The following ARAP1 variants were observed in gnomAD, a reference collection of about 807,000 sequenced individuals.
ARAP1 encodes arf-GAP with Rho-GAP domain, ANK repeat and PH domain-containing protein 1.
Under a neutral mutation model 172.2 loss-of-function variants are expected in ARAP1, and 76 were observed. That is an observed-to-expected ratio of 0.44 (90% confidence interval 0.37 to 0.53). The LOEUF (loss-of-function observed/expected upper bound fraction) is 0.53. Among genes scored for constraint, ARAP1 ranks in the 20% least tolerant of loss-of-function variants. ARAP1 has a pLI of 0.00. For synonymous variants in ARAP1, 804 were observed against 803.3 expected (o/e 1.00, Z -0.01); for missense variants, 1,686 against 1,977.5 (o/e 0.85, Z 2.80).
chr11:72,730,344 A>T (rs918901432), intron 2 of ARAP1, among the ~76,000 whole-genome samples: 1 of 152,230 alleles, frequency 6.6e-6, no homozygotes, highest in African/African-American at 2.4e-5. Context: ...AAGAGCAATA[A>T]AGTTGGAAAA....
Position 72,699,086 on chromosome 11 carries a change from C to T in ARAP1, c.2460G>A (p.Val820=), listed in dbSNP as rs754401121. ...DTHGFEHTFE[V]YTEGERLYLF... is the part of the protein sequence containing the mutation. Reference sequence around the variant, plus strand: ...GGTACAGCCGTTCTCCCTCCGTGTACACCTCAAAGGTGTGCTCAAAGCTGC... The same window carrying T: ...GGTACAGCCGTTCTCCCTCCGTGTATACCTCAAAGGTGTGCTCAAAGCTGC... The change falls in exon 18 of 35, where the codon GTG becomes GTA. Residue 820 remains valine, a synonymous_variant. Coordinates refer to ENST00000393609, the MANE Select transcript of ARAP1 (RefSeq NM_001040118.3). This position sits in a 1 kb window ranked among gnomAD's most constrained non-coding sequence, Gnocchi z 4.2. The T allele has an allele frequency of 1.9e-6, 3 of 1,614,070 alleles. No individual in the cohort carries two copies. The highest frequency in any genetic ancestry group is 1.7e-5 in the Admixed American group (1 of 60,008).
Position 72,741,175 on chromosome 11 carries a change from C to T in ARAP1, c.-127-8578G>A, listed in dbSNP as rs1433708433. 1.3e-5 allele frequency among the ~76,000 whole-genome samples: 2 copies of T among 152,126 alleles called. No individual in the cohort carries two copies. Among genetic ancestry groups the T allele is most frequent in the Non-Finnish European group, 2.9e-5 (2 of 68,006 alleles). On this transcript the variant is annotated intron_variant, in intron 1 of 34. Transcript: ENST00000393609. The surrounding 1 kb of genome is among the most constrained non-coding windows in gnomAD (Gnocchi z 4.5). ...TGGGCACACCCCTGCCCTGCATCCA[C>T]ACTGCCCCCATTCAACCCAGGCCCC...
At chr11:72,692,310 G>C (rs551268275) in intron 30 of ARAP1, among the ~76,000 whole-genome samples, 1 of 152,268 alleles carries the variant, frequency 6.6e-6, no homozygotes. Flanking sequence ...TACCCCAGGT[G>C]GGGGTATCCC....
At position 72,704,279 on chromosome 11, in the gene ARAP1, G is replaced by C; in HGVS notation, c.1865C>G (p.Pro622Arg). ...GCTGGGCTGCAGGGCCTCACTGGGGGGCACGTTGGCTGCCCAGAAGCGGTT... is the reference window on the plus strand; with the variant it reads ...GCTGGGCTGCAGGGCCTCACTGGGGCGCACGTTGGCTGCCCAGAAGCGGTT... Reference protein sequence around the residue: ...AGNRFWAANVPPSEALQPSSS... With the variant: ...AGNRFWAANVRPSEALQPSSS... Residue 622 changes from proline to arginine, a missense_variant, in exon 14 of 35, where the codon CCC becomes CGC. Pro to Arg is a moderately radical substitution (Grantham distance 103). Coordinates refer to ENST00000393609, the MANE Select transcript of ARAP1 (RefSeq NM_001040118.3). 6.2e-7 allele frequency: 1 copy of C among 1,612,242 alleles called. No individual in the cohort carries two copies. Among genetic ancestry groups the C allele is most frequent in the African/African-American group, 1.3e-5 (1 of 75,024 alleles).
intron 15 of ARAP1, among the ~76,000 whole-genome samples, chr11:72,702,231 C>G (rs1051680611): frequency 6.6e-6 from 1 of 152,214 alleles, no homozygotes; most frequent in African/African-American, 2.4e-5. Context: ...TGTCCCCAAG[C>G]CCAAGCCAGT....
rs763156769 is a variant in ARAP1, at chr11:72,693,657, AC to A, written c.3808+34del. 2.1e-5 allele frequency: 33 copies of A among 1,565,366 alleles called. No individual in the cohort carries two copies. The African/African-American group carries it at 4.3e-4, about 21-fold the overall frequency. ...CACCCTGGCTCTGGAAGAGAGGACC[AC>A]CCGGAGCCTGGCCACCCTGCAGGCA... On this transcript the variant is annotated intron_variant, in intron 28 of 34. Coordinates refer to ENST00000393609, the MANE Select transcript of ARAP1 (RefSeq NM_001040118.3). The surrounding 1 kb of genome is among the most constrained non-coding windows in gnomAD (Gnocchi z 4.6).
intron 13 of ARAP1, chr11:72,704,611 G>T: frequency 2.5e-6 from 1 of 405,380 alleles, no homozygotes; most frequent in South Asian, 3.8e-5. Flanking sequence ...CTGGTCCCAG[G>T]GGCCTTGCTG....
Position 72,696,650 on chromosome 11 carries a change from A to C in ARAP1, c.3171T>G (p.Ile1057Met). 6.3e-7 allele frequency: 1 copy of C among 1,589,676 alleles called. No individual in the cohort carries two copies. The highest frequency in any genetic ancestry group is 8.6e-7 in the Non-Finnish European group (1 of 1,166,076). Residue 1057 changes from isoleucine (I) to methionine (M), a missense_variant, in exon 23 of 35, where the codon ATT (isoleucine) becomes ATG (methionine). This residue lies in a region of ARAP1 where 274 missense variants were observed against 262.7 expected (regional missense o/e 1.04). Transcript: ENST00000393609. Reference sequence around the variant, plus strand: ...TGGAGACCTTCTCCTCCTCGTCCTCAATCTCTGGGTGGGAAAGATAAATCA... The same window carrying C: ...TGGAGACCTTCTCCTCCTCGTCCTCCATCTCTGGGTGGGAAAGATAAATCA... ...QRLTWLEASE[I>M]EDEEEKVSRY...
At chr11:72,729,834 G>A (rs988223961) in intron 2 of ARAP1, among the ~76,000 whole-genome samples, 2 of 148,958 alleles carry the variant, frequency 1.3e-5, no homozygotes, top group Non-Finnish European at 2.9e-5. Flanking sequence ...AGAATTGCTT[G>A]AGCCTAGGAG....
At chr11:72,745,912 G>A (rs908427308) in intron 1 of ARAP1, among the ~76,000 whole-genome samples, 50 of 152,124 alleles carry the variant, frequency 3.3e-4, no homozygotes, top group African/African-American at 1.0e-3. Flanking sequence ...CAGACAGCAC[G>A]GGAAACAGCT....
In ARAP1 at chr11:72,697,402, G is replaced by C. The variant is rs374807261; in HGVS notation, c.2874C>G (p.Asp958Glu). 1 of 1,612,134 alleles carries C rather than the reference G, an allele frequency of 6.2e-7. No homozygotes were observed. Among genetic ancestry groups the C allele is most frequent in the African/African-American group, 1.3e-5 (1 of 74,874 alleles). ...CCCCAAGCTGCTGCTCCGACAGCGT[G>C]TCCCCCATGCTGGCGGCTGCTTTCT... ...AIQKAAASMG[D>E]TLSEQQLGDS... is the part of the protein sequence containing the mutation. The change falls in exon 21 of 35, where the codon GAC becomes GAG. Residue 958 changes from aspartate (D) to glutamate (E), a missense_variant. By Grantham distance (45) the Asp-to-Glu change is conservative (BLOSUM62 2). This residue lies in a region of ARAP1 where 274 missense variants were observed against 262.7 expected (regional missense o/e 1.04). Coordinates refer to ENST00000393609, the MANE Select transcript of ARAP1 (RefSeq NM_001040118.3).
In ARAP1 at chr11:72,745,182, CTTTTTTTTTTTTTT is replaced by C. The variant is rs902550014; in HGVS notation, c.-128+7132_-128+7145del. Among the ~76,000 whole-genome samples the C allele has an allele frequency of 9.1e-4, 80 of 88,312 alleles. 1 individual carries two copies. Among genetic ancestry groups the C allele is most frequent in the East Asian group, 2.2e-3 (7 of 3,246 alleles). 57.9% of individuals were successfully genotyped at this position (88,312 alleles called of 152,430 possible). A position where few individuals can be genotyped will look rare whatever the true frequency, so the allele number is the denominator to read the frequency against. The stretch of plus-strand genomic sequence containing the variant: ...CCCACACAGCAGCCCAAGTTTCTTT[CTTTTTTTTTTTTTT>C]TTTTTTTTTTGAGACGGAGTCTCGC... On this transcript the variant is annotated intron_variant, in intron 1 of 34. Coordinates refer to ENST00000393609, the MANE Select transcript of ARAP1 (RefSeq NM_001040118.3).
chr11:72,687,527 A>G (rs1444688043), intron 32 of ARAP1, 25 bp from the exon 33 acceptor site: 4 of 1,613,986 alleles, frequency 2.5e-6, no homozygotes, highest in African/African-American at 2.7e-5. Context: ...GCGGACCCAC[A>G]TGATGCCAAA....
Position 72,741,907 on chromosome 11 carries a change from T to C in ARAP1, c.-127-9310A>G, listed in dbSNP as rs995012192. Among the ~76,000 whole-genome samples the C allele has an allele frequency of 6.6e-6, 1 of 152,110 alleles. No homozygotes were observed. The highest frequency in any genetic ancestry group is 2.4e-5 in the African/African-American group (1 of 41,420). ...AAGGAGGAGGGACTTGGTGGGCTCC[T>C]CTGTACCCCAGAACTAGGGGTGCAG... On this transcript the variant is annotated intron_variant, in intron 1 of 34. Transcript: ENST00000393609. This position sits in a 1 kb window ranked among gnomAD's most constrained non-coding sequence, Gnocchi z 4.5.
Position 72,709,956 on chromosome 11 carries a change from G to A in ARAP1, c.1437C>T (p.Gly479=). 6.2e-7 allele frequency: 1 copy of A among 1,614,100 alleles called. No individual in the cohort carries two copies. The highest frequency in any genetic ancestry group is 1.1e-5 in the South Asian group (1 of 91,086). ...CCACGCTCATGTCGATGAAGGTGAT[G>A]CCAATGCCCAGGTGGTACTCCTGGA... ...KNLEEYHLGI[G]ITFIDMSVGN... Residue 479 remains glycine, a synonymous_variant, in exon 11 of 35, where the codon GGC becomes GGT. Transcript: ENST00000393609.
Position 72,725,860 on chromosome 11 carries a change from C to T in ARAP1, c.509+760G>A, listed in dbSNP as rs1047966074. ...CTCCAAGAAGCCTTCCAAGATTAGC[C>T]TCACTTCGCCCAAGTGCTCCACCAA... is the stretch of plus-strand genomic sequence containing the variant. On this transcript the variant is annotated intron_variant, in intron 3 of 34. Transcript: ENST00000393609. The surrounding 1 kb of genome is among the most constrained non-coding windows in gnomAD (Gnocchi z 4.3). Among the ~76,000 whole-genome samples the T allele has an allele frequency of 3.3e-5, 5 of 152,188 alleles. No homozygotes were observed. The highest frequency in any genetic ancestry group is 7.3e-5 in the Non-Finnish European group (5 of 68,032).
Position 72,695,134 on chromosome 11 carries a change from C to CT in ARAP1, c.3577-38dup. ...AAGGAGGAGATTAGCCTGCCTGTGC[C>CT]TAGCCCCTGCTCTGCCACAACCTTG... On this transcript the variant is annotated intron_variant, in intron 26 of 34. Transcript: ENST00000393609. This position sits in a 1 kb window ranked among gnomAD's most constrained non-coding sequence, Gnocchi z 4.4. 6.3e-7 allele frequency: 1 copy of CT among 1,599,122 alleles called. No individual in the cohort carries two copies. Among genetic ancestry groups the CT allele is most frequent in the Non-Finnish European group, 8.6e-7 (1 of 1,168,528 alleles).
At chr11:72,732,165 AG>A (rs550834536) in intron 2 of ARAP1, among the ~76,000 whole-genome samples, 6 of 152,328 alleles carry the variant, frequency 3.9e-5, no homozygotes, top group African/African-American at 1.4e-4. Flanking sequence ...AAAAATTAAA[AG>A]GGAATGTGAT....
rs182881753 is a variant in ARAP1 at position 72,747,077 on chromosome 11, A to C, written c.-128+5251T>G. Reference sequence around the variant, plus strand: ...GTCCCGGGGGTTAAGCCACCCCAGCACTGGCCTGGCCAGAAGGAGGCAGGG... The same window carrying C: ...GTCCCGGGGGTTAAGCCACCCCAGCCCTGGCCTGGCCAGAAGGAGGCAGGG... On this transcript the variant is annotated intron_variant, in intron 1 of 34. Transcript: ENST00000393609. 7.3e-4 allele frequency among the ~76,000 whole-genome samples: 111 copies of C among 152,252 alleles called. No individual in the cohort carries two copies. In the East Asian group the frequency reaches 0.016, roughly 22 times the overall value.
Sources: allele counts gnomAD v4.1 joint callset (sites outside exome capture counted in the v4.1 genomes callset), GRCh38; gene constraint gnomAD v4.1.1; regional missense constraint gnomAD v4.1.1; non-coding constraint Gnocchi (gnomAD v3.1); transcripts MANE v1.5; gene names NCBI Gene and HGNC (gene_info 2026-07-23, HGNC 2026-07-21).